IFT57: variants seen among roughly 807,000 people sequenced by gnomAD.
The protein encoded by IFT57 is intraflagellar transport 57.
IFT57 carries 59 observed loss-of-function variants against 56.8 expected under a neutral mutation model. The ratio of observed to expected loss-of-function variants is 1.04; its 90% CI spans 0.84 to 1.29. The LOEUF is 1.29. Ranked by LOEUF, IFT57 falls within the 50% of genes most tolerant of loss-of-function variation. The pLI, the probability that IFT57 is intolerant of heterozygous loss-of-function variation, is 0.00. For synonymous variants in IFT57, 209 were observed against 186.1 expected (o/e 1.12, Z -1.00); for missense variants, 470 against 522.1 (o/e 0.90, Z 0.97).
chr3:108,163,685 C>T lies in IFT57; in HGVS notation c.1089G>A (p.Lys363=). The change falls in exon 10 of 11, where the codon AAG becomes AAA. Residue 363 remains lysine (K), a synonymous_variant. Coordinates refer to ENST00000264538, the MANE Select transcript of IFT57 (RefSeq NM_018010.4). The part of the protein sequence containing the change: ...LEKVKQEMEE[K]GSSMTDGAPL... ...TACCACCATCAGTCATGCTGCTGCC[C>T]TTTTCTTCCATTTCTTGTTTTACCT... 1 of 1,611,340 alleles carries T rather than the reference C, an allele frequency of 6.2e-7. No homozygotes were observed.
chr3:108,186,822 T>G (rs2080186091), intron 6 of IFT57, among the ~76,000 whole-genome samples: 1 of 152,096 alleles, frequency 6.6e-6, no homozygotes, highest in Admixed American at 6.6e-5. Context: ...GGGAAGACAA[T>G]GGAGATGAAG....
intron 4 of IFT57, chr3:108,213,688 G>A (rs1414174255): frequency 5.6e-6 from 2 of 357,596 alleles, no homozygotes; most frequent in Non-Finnish European, 1.0e-5. Context: ...ATAACTAGTG[G>A]TATATATTTC....
Position 108,162,044 on chromosome 3 carries a change from T to C in IFT57, c.*433A>G, listed in dbSNP as rs1404320241. ...CTGAGGCAAAGGCAGTTTGGGTTCT[T>C]GGAAAGAATCCTGCCTACCATCTTC... On this transcript the variant is annotated 3_prime_UTR_variant, in exon 11 of 11. Coordinates refer to ENST00000264538, the MANE Select transcript of IFT57 (RefSeq NM_018010.4). 1 of 153,018 alleles carries C rather than the reference T, an allele frequency of 6.5e-6. No homozygotes were observed. Among genetic ancestry groups the C allele is most frequent in the Non-Finnish European group, 1.5e-5 (1 of 68,676 alleles). The allele number at this position is 153,018 out of a possible 1,614,324, so 9.5% of individuals were successfully genotyped here. A position where few individuals can be genotyped will look rare whatever the true frequency, so the allele number is the denominator to read the frequency against.
chr3:108,167,549 GTAT>G (rs1469920833), intron 7 of IFT57, among the ~76,000 whole-genome samples: 1 of 149,374 alleles, frequency 6.7e-6, no homozygotes, highest in Non-Finnish European at 1.5e-5. Flanking sequence ...TCTAATATAT[GTAT>G]TATCTATATA....
At chr3:108,189,423 G>A (rs545223979) in intron 6 of IFT57, among the ~76,000 whole-genome samples, 1 of 152,276 alleles carries the variant, frequency 6.6e-6, no homozygotes, top group African/African-American at 2.4e-5. Flanking sequence ...GAATAAATTA[G>A]CTTCTAAGGC....
chr3:108,179,255 CA>C (rs1018608067), intron 6 of IFT57, among the ~76,000 whole-genome samples: 33 of 151,844 alleles, frequency 2.2e-4, no homozygotes, highest in African/African-American at 7.2e-4. Flanking sequence ...AGCTATATTC[CA>C]AAAGTGACAA....
At chr3:108,174,262 T>A (rs2080111932) in intron 6 of IFT57, among the ~76,000 whole-genome samples, 1 of 151,554 alleles carries the variant, frequency 6.6e-6, no homozygotes, top group African/African-American at 2.4e-5. Flanking sequence ...AACATGAATA[T>A]AAAAAGGCAA....
At chr3:108,221,910 C>CT in intron 1 of IFT57, 1 of 1,096,898 alleles carries the variant, frequency 9.1e-7, no homozygotes, top group Non-Finnish European at 1.3e-6. Context: ...TATTTATTCT[C>CT]TCTACAAAAA....
At chr3:108,188,441 A>G (rs1168127585) in intron 6 of IFT57, among the ~76,000 whole-genome samples, 1 of 152,196 alleles carries the variant, frequency 6.6e-6, no homozygotes, top group Non-Finnish European at 1.5e-5. Flanking sequence ...AATACTAGAC[A>G]CAAAGATCAA....
intron 5 of IFT57, among the ~76,000 whole-genome samples, chr3:108,199,723 CAAT>C (rs746571137): frequency 1.4e-4 from 22 of 152,152 alleles, no homozygotes; most frequent in Non-Finnish European, 2.5e-4. Flanking sequence ...GTGACTAAAA[CAAT>C]AATCCTCACG....
chr3:108,194,015 GT>G (rs1206701058), intron 5 of IFT57, among the ~76,000 whole-genome samples: 1 of 152,148 alleles, frequency 6.6e-6, no homozygotes, highest in African/African-American at 2.4e-5. Flanking sequence ...TACACAAAGG[GT>G]TACTCCTGCC....
At chr3:108,190,748 A>G (rs970658515) in intron 6 of IFT57, among the ~76,000 whole-genome samples, 1 of 152,214 alleles carries the variant, frequency 6.6e-6, no homozygotes, top group African/African-American at 2.4e-5. Flanking sequence ...AATCTGGTCT[A>G]ATCCCTAAAT....
At chr3:108,184,827 T>C (rs1403609812) in intron 6 of IFT57, among the ~76,000 whole-genome samples, 4 of 152,200 alleles carry the variant, frequency 2.6e-5, no homozygotes, top group Non-Finnish European at 4.4e-5. Flanking sequence ...TCTTGAGGTT[T>C]TCGTGTACTT....
At position 108,222,092 on chromosome 3, in the gene IFT57, C is replaced by G; in HGVS notation, c.212+19G>C. On this transcript the variant is annotated intron_variant, in intron 1 of 10. Transcript: ENST00000264538. ...GGGGGCTAGCAGGCACCCGGGCGCT[C>G]GGGGACGCCGGCACCCACCTGGACG... is the stretch of plus-strand genomic sequence containing the variant. 1 of 1,573,928 alleles carries G rather than the reference C, an allele frequency of 6.4e-7. No individual in the cohort carries two copies. Among genetic ancestry groups the G allele is most frequent in the Non-Finnish European group, 8.6e-7 (1 of 1,161,020 alleles).
chr3:108,165,533 C>A, intron 8 of IFT57, 40 bp from the exon 9 acceptor site: 1 of 1,524,084 alleles, frequency 6.6e-7, no homozygotes, highest in Non-Finnish European at 9.1e-7. Context: ...AAATTCAAAG[C>A]AGCAGCAGAT....
At chr3:108,190,750 T>C (rs2080210942) in intron 6 of IFT57, among the ~76,000 whole-genome samples, 1 of 152,210 alleles carries the variant, frequency 6.6e-6, no homozygotes, top group African/African-American at 2.4e-5. Flanking sequence ...TCTGGTCTAA[T>C]CCCTAAATCT....
At chr3:108,220,033 T>C (rs2080396871) in intron 1 of IFT57, among the ~76,000 whole-genome samples, 1 of 152,244 alleles carries the variant, frequency 6.6e-6, no homozygotes, top group African/African-American at 2.4e-5. Flanking sequence ...TGGCTGCATA[T>C]TCAATCACCT....
intron 5 of IFT57, among the ~76,000 whole-genome samples, chr3:108,192,812 T>G (rs542230542): frequency 1.3e-5 from 2 of 152,220 alleles, no homozygotes; most frequent in East Asian, 1.9e-4. Context: ...AAGAAATTAC[T>G]AATTTTATAG....
intron 5 of IFT57, among the ~76,000 whole-genome samples, chr3:108,201,434 C>A (rs1339504997): frequency 1.3e-5 from 2 of 152,180 alleles, no homozygotes; most frequent in East Asian, 3.8e-4. Flanking sequence ...TTCCTATTCA[C>A]CTCCAGATGT....
Sources: gnomAD v4.1 joint callset for allele counts (sites outside exome capture counted in the v4.1 genomes callset) on GRCh38, gnomAD v4.1.1 for gene constraint, MANE v1.5 for transcripts, NCBI Gene and HGNC (gene_info 2026-07-23, HGNC 2026-07-21) for gene names.